FGF12: variants seen among roughly 807,000 people sequenced by gnomAD.
FGF12 encodes the protein fibroblast growth factor 12B.
FGF12 carries 14 observed loss-of-function variants against 23.6 expected under a neutral mutation model. The ratio of observed to expected loss-of-function variants is 0.59; its 90% CI spans 0.39 to 0.93. The LOEUF (loss-of-function observed/expected upper bound fraction) is 0.93, where lower values mean the gene tolerates loss of function less well. Among genes scored for constraint, FGF12 ranks in the 40% least tolerant of loss-of-function variants. The probability of loss-of-function intolerance (pLI) is 0.00; values close to 1 mark genes in which losing one functional copy is unlikely to be tolerated. For synonymous variants in FGF12, 62 were observed against 77.3 expected, an observed-to-expected ratio of 0.80 and a Z score of 1.04; for missense variants, 175 against 217.8, an observed-to-expected ratio of 0.80 and a Z score of 1.24.
chr3:192,216,397 T>C (rs76616588), intron 4 of FGF12, among the ~76,000 whole-genome samples: 1,574 of 152,320 alleles, frequency 0.01, 18 homozygotes, highest in African/African-American at 0.034. Context: ...AAATTATTTT[T>C]CCAGCTCTTA....
At chr3:192,539,537 A>G (rs1361237921) in intron 2 of FGF12, among the ~76,000 whole-genome samples, 2 of 152,112 alleles carry the variant, frequency 1.3e-5, no homozygotes, top group East Asian at 3.9e-4. Context: ...ATTGAATCCA[A>G]TTCAGTTTGC....
intron 4 of FGF12, among the ~76,000 whole-genome samples, chr3:192,197,802 C>A (rs1377279191): frequency 6.6e-6 from 1 of 151,966 alleles, no homozygotes; most frequent in Admixed American, 6.6e-5. Flanking sequence ...CAAAGTTAGC[C>A]GGGCGTGGTG....
At chr3:192,441,522 C>G (rs975236149) in intron 2 of FGF12, among the ~76,000 whole-genome samples, 1 of 152,198 alleles carries the variant, frequency 6.6e-6, no homozygotes, top group African/African-American at 2.4e-5. Flanking sequence ...ACAGCCTAGA[C>G]CCAGGGAGCC....
chr3:192,707,635 A>G (rs1158532091), intron 2 of FGF12, among the ~76,000 whole-genome samples: 2 of 150,266 alleles, frequency 1.3e-5, no homozygotes, highest in African/African-American at 4.9e-5. Context: ...AATCCCAGCT[A>G]CTCTGGAGGC....
chr3:192,500,884 C>CT (rs1413810516), intron 2 of FGF12, among the ~76,000 whole-genome samples: 1 of 152,112 alleles, frequency 6.6e-6, no homozygotes, highest in Non-Finnish European at 1.5e-5. Context: ...AAGAACAACT[C>CT]TGAAGGTTGT....
At chr3:192,501,049 A>T (rs1724120008) in intron 2 of FGF12, among the ~76,000 whole-genome samples, 1 of 152,210 alleles carries the variant, frequency 6.6e-6, no homozygotes, top group Non-Finnish European at 1.5e-5. Flanking sequence ...ACATTTCAAA[A>T]ACACAAATTT....
intron 2 of FGF12, among the ~76,000 whole-genome samples, chr3:192,362,380 C>T (rs572072074): frequency 8.5e-5 from 13 of 152,246 alleles, no homozygotes; most frequent in Middle Eastern, 3.4e-3. Flanking sequence ...AATGCTATCC[C>T]TCCCCCACCC....
chr3:192,577,184 T>C (rs192232465), intron 2 of FGF12, among the ~76,000 whole-genome samples: 67 of 152,252 alleles, frequency 4.4e-4, no homozygotes, highest in Middle Eastern at 6.8e-3. Context: ...TGCACATGTA[T>C]CCCAGAACTT....
chr3:192,432,438 A>G (rs6444640), intron 2 of FGF12, among the ~76,000 whole-genome samples: 83,664 of 151,716 alleles, frequency 0.55, 23,213 homozygotes, highest in Admixed American at 0.57. Context: ...CGACATAAGT[A>G]GGAGACCATG....
chr3:192,682,729 A>C (rs2108709137), intron 2 of FGF12, among the ~76,000 whole-genome samples: 1 of 152,292 alleles, frequency 6.6e-6, no homozygotes, highest in African/African-American at 2.4e-5. Flanking sequence ...TGAGTTAAGG[A>C]GGTGTCTCTG....
intron 2 of FGF12, among the ~76,000 whole-genome samples, chr3:192,525,104 A>G (rs1185717896): frequency 1.3e-5 from 2 of 152,186 alleles, no homozygotes; most frequent in Non-Finnish European, 1.5e-5. Context: ...TCTAAGTGTT[A>G]CTATTTACCA....
chr3:192,189,476 A>C (rs761007711), intron 4 of FGF12, among the ~76,000 whole-genome samples: 4 of 152,176 alleles, frequency 2.6e-5, no homozygotes, highest in South Asian at 4.1e-4. Flanking sequence ...CTCTCACCCC[A>C]AAATTTTTTT....
chr3:192,482,029 G>A (rs1486058505), intron 2 of FGF12, among the ~76,000 whole-genome samples: 2 of 152,070 alleles, frequency 1.3e-5, no homozygotes, highest in East Asian at 1.9e-4. Context: ...TAACTAATGG[G>A]GACTCCTGGG....
intron 2 of FGF12, among the ~76,000 whole-genome samples, chr3:192,660,048 G>GAC (rs939447647): frequency 2.0e-5 from 3 of 151,720 alleles, no homozygotes; most frequent in Non-Finnish European, 2.9e-5. Flanking sequence ...CTGCTATAAA[G>GAC]ACACACACAC....
At position 192,313,858 on chromosome 3, in the gene FGF12, C is replaced by T. The variant is rs115466184; in HGVS notation, c.228+21503G>A. Among the ~76,000 whole-genome samples the T allele has an allele frequency of 1.3e-3, 199 of 152,262 alleles. 1 individual carries two copies. The highest frequency in any genetic ancestry group is 4.5e-3 in the African/African-American group (188 of 41,532). ...TTGGTCTAGAGAGGTGTGGCTGCTG[C>T]CAGGTGCTATGGACTGTAAGTCTCT... On this transcript the variant is annotated intron_variant, in intron 4 of 5. Coordinates refer to ENST00000445105, the MANE Select transcript of FGF12 (RefSeq NM_004113.6).
intron 4 of FGF12, among the ~76,000 whole-genome samples, chr3:192,254,183 C>T (rs1522260): frequency 0.027 from 4,073 of 151,938 alleles, 188 homozygotes; most frequent in African/African-American, 0.093. Context: ...AACCCCTCCT[C>T]TCCCCAAGAC....
At chr3:192,156,046 G>T (rs549717269) in intron 5 of FGF12, among the ~76,000 whole-genome samples, 1 of 152,140 alleles carries the variant, frequency 6.6e-6, no homozygotes, top group Non-Finnish European at 1.5e-5. Context: ...GCTTTAGGAG[G>T]TGCTAGAATT....
At chr3:192,512,493 T>C (rs1216760268) in intron 2 of FGF12, among the ~76,000 whole-genome samples, 2 of 152,120 alleles carry the variant, frequency 1.3e-5, no homozygotes, top group Non-Finnish European at 2.9e-5. Flanking sequence ...TAGCTGCTAT[T>C]AATCCATTTA....
chr3:192,450,410 T>C (rs186293987), intron 2 of FGF12, among the ~76,000 whole-genome samples: 1 of 152,288 alleles, frequency 6.6e-6, no homozygotes, highest in African/African-American at 2.4e-5. Context: ...TTTAATCATG[T>C]AGCAAATTTG....
Sources: gnomAD v4.1 joint callset for allele counts (sites outside exome capture counted in the v4.1 genomes callset) on GRCh38, gnomAD v4.1.1 for gene constraint, MANE v1.5 for transcripts, NCBI Gene and HGNC (gene_info 2026-07-23, HGNC 2026-07-21) for gene names.